CDKN2D: variants seen among roughly 807,000 people sequenced by gnomAD.
The protein encoded by CDKN2D is cyclin-dependent kinase 4 inhibitor D.
Under a neutral mutation model 4.7 loss-of-function variants are expected in CDKN2D, and 3 were observed. The observed-to-expected ratio is 0.64, with a 90% confidence interval of 0.29 to 1.66. CDKN2D has a LOEUF of 1.66. Among genes scored for constraint, CDKN2D ranks in the 40% most tolerant of loss-of-function variants. The pLI is 0.10. For synonymous variants in CDKN2D, 91 were observed against 102.3 expected (o/e 0.89, Z 0.67); for missense variants, 196 against 230.9 (o/e 0.85, Z 0.98).
At position 10,568,619 on chromosome 19, in the gene CDKN2D, A is replaced by G; in HGVS notation, c.35T>C (p.Leu12Pro). Residue 12 changes from leucine to proline, a missense_variant, in exon 1 of 2, where the codon CTG becomes CCG. By Grantham distance (98) the Leu-to-Pro change is moderately conservative. Coordinates refer to ENST00000393599, the MANE Select transcript of CDKN2D (RefSeq NM_001800.4). ...GTCGCCCCGGGCCGCCGCCCCACTCAGCCGGTCGCCGGCGCGAACCTCCTC... is the reference window on the plus strand; with the variant it reads ...GTCGCCCCGGGCCGCCGCCCCACTCGGCCGGTCGCCGGCGCGAACCTCCTC... ...LLEEVRAGDR[L>P]SGAAARGDVQ... 6.6e-7 allele frequency: 1 copy of G among 1,509,116 alleles called. No homozygotes were observed. Among genetic ancestry groups the G allele is most frequent in the Non-Finnish European group, 8.8e-7 (1 of 1,135,744 alleles). 93.5% of individuals were successfully genotyped at this position (1,509,116 alleles called of 1,614,324 possible).
chr19:10,566,793 T>C lies in CDKN2D; in HGVS notation c.*265A>G, dbSNP rs1159277017. The C allele has an allele frequency of 4.4e-6, 2 of 451,920 alleles. No individual in the cohort carries two copies. The highest frequency in any genetic ancestry group is 7.6e-5 in the East Asian group (2 of 26,172). The allele number at this position is 451,920 out of a possible 1,614,324, so 28.0% of individuals were successfully genotyped here. A position where few individuals can be genotyped will look rare whatever the true frequency, so the allele number is the denominator to read the frequency against. On this transcript the variant is annotated 3_prime_UTR_variant, in exon 2 of 2. Coordinates refer to ENST00000393599, the MANE Select transcript of CDKN2D (RefSeq NM_001800.4). ...GGTCTCGTCTGAGGCCCCAGCAGCC[T>C]GAGGCGCAGAAGAAACTGAACCGTT...
Position 10,568,622 on chromosome 19 carries a change from C to A in CDKN2D, c.32G>T (p.Arg11Leu). The change falls in exon 1 of 2, where the codon CGG becomes CTG. Residue 11 changes from arginine (R) to leucine (L), a missense_variant. Physicochemically the swap from Arg to Leu is moderately radical, Grantham distance 102. Transcript: ENST00000393599. The part of the protein sequence containing the change: MLLEEVRAGD[R>L]LSGAAARGDV... ...GCCCCGGGCCGCCGCCCCACTCAGC[C>A]GGTCGCCGGCGCGAACCTCCTCCAG... 6.6e-7 allele frequency: 1 copy of A among 1,508,212 alleles called. No homozygotes were observed. The highest frequency in any genetic ancestry group is 8.8e-7 in the Non-Finnish European group (1 of 1,135,212). The allele number at this position is 1,508,212 out of a possible 1,614,324, so 93.4% of individuals were successfully genotyped here.
In CDKN2D at chr19:10,567,107, GC is replaced by G; in HGVS notation, c.451del (p.Ala151LeufsTer124). 6.2e-7 allele frequency: 1 copy of G among 1,613,748 alleles called. No individual in the cohort carries two copies. Among genetic ancestry groups the G allele is most frequent in the South Asian group, 1.1e-5 (1 of 91,078 alleles). ...CTGCAGGATGTCCACGAGGTCCTGA[GC>G]CCCTCTCTGCAGTGCCAGCTCCAAG... The part of the protein sequence containing the change: ...TPLELALQRG[A>X]QDLVDILQGH... On this transcript the variant is annotated frameshift_variant, in exon 2 of 2. Transcript: ENST00000393599. LOFTEE classifies it high-confidence loss of function.
chr19:10,568,327 C>T (rs978949886), intron 1 of CDKN2D, among the ~76,000 whole-genome samples, 186 bp downstream of exon 1: 83 of 152,192 alleles, frequency 5.5e-4, no homozygotes, highest in African/African-American at 2.0e-3. Context: ...CCCCTCCCCC[C>T]ACAACCTAGC....
In CDKN2D at chr19:10,568,460, G is replaced by A. The variant is rs570014688; in HGVS notation, c.141+53C>T. The A allele has an allele frequency of 5.3e-6, 7 of 1,312,044 alleles. No homozygotes were observed. In the East Asian group the frequency reaches 2.1e-4, roughly 40 times the overall value. The allele number at this position is 1,312,044 out of a possible 1,614,324, so 81.3% of individuals were successfully genotyped here. On this transcript the variant is annotated intron_variant, in intron 1 of 1. Coordinates refer to ENST00000393599, the MANE Select transcript of CDKN2D (RefSeq NM_001800.4). ...GACCAGAGAGGAGCTCTGGGGTCTCGATCCTCATCCCGCTTAGCCGCCCCG... is the reference window on the plus strand; with the variant it reads ...GACCAGAGAGGAGCTCTGGGGTCTCAATCCTCATCCCGCTTAGCCGCCCCG...
In CDKN2D at chr19:10,568,763, G is replaced by A. The variant is rs1354005458; in HGVS notation, c.-110C>T. 2 of 710,548 alleles carry A rather than the reference G, an allele frequency of 2.8e-6. No homozygotes were observed. The highest frequency in any genetic ancestry group is 3.8e-5 in the East Asian group (1 of 26,234). The allele number at this position is 710,548 out of a possible 1,614,324, so 44.0% of individuals were successfully genotyped here. A position where few individuals can be genotyped will look rare whatever the true frequency, so the allele number is the denominator to read the frequency against. The stretch of plus-strand genomic sequence containing the variant: ...ACAGCCCTCCCGGGGCGCGGCCGCG[G>A]TGCACCCGGCTGCGCTGCTCTCCCG... On this transcript the variant is annotated 5_prime_UTR_variant, in exon 1 of 2. Coordinates refer to ENST00000393599, the MANE Select transcript of CDKN2D (RefSeq NM_001800.4).
chr19:10,566,573 A>T lies in CDKN2D; in HGVS notation c.*485T>A. 4.1e-6 allele frequency: 1 copy of T among 241,830 alleles called. No homozygotes were observed. Among genetic ancestry groups the T allele is most frequent in the Non-Finnish European group, 8.2e-6 (1 of 122,532 alleles). 15.0% of individuals were successfully genotyped at this position (241,830 alleles called of 1,614,324 possible). A position where few individuals can be genotyped will look rare whatever the true frequency, so the allele number is the denominator to read the frequency against. ...TTTCTTTTAAAACGCTGTACAAGAG[A>T]CTGGAAAACAAGCTTCCAACAGAAT... On this transcript the variant is annotated 3_prime_UTR_variant, in exon 2 of 2. Coordinates refer to ENST00000393599, the MANE Select transcript of CDKN2D (RefSeq NM_001800.4).
rs1916973457 is a variant in CDKN2D at position 10,568,706 on chromosome 19, C to T, written c.-53G>A. On this transcript the variant is annotated 5_prime_UTR_variant, in exon 1 of 2. Transcript: ENST00000393599. ...CCGCCCCGCCCCAGCCCGGCGCTGT[C>T]AGCGCGGAGCAGCCGGCGGGCGCTG... 2 of 1,265,260 alleles carry T rather than the reference C, an allele frequency of 1.6e-6. No individual in the cohort carries two copies. Among genetic ancestry groups the T allele is most frequent in the African/African-American group, 3.1e-5 (2 of 64,216 alleles). The allele number at this position is 1,265,260 out of a possible 1,614,324, so 78.4% of individuals were successfully genotyped here. A position where few individuals can be genotyped will look rare whatever the true frequency, so the allele number is the denominator to read the frequency against.
chr19:10,567,549 G>A lies in CDKN2D; in HGVS notation c.142-132C>T. 4 of 1,085,154 alleles carry A rather than the reference G, an allele frequency of 3.7e-6. No individual in the cohort carries two copies. The South Asian group carries it at 6.1e-5, about 17-fold the overall frequency. The allele number at this position is 1,085,154 out of a possible 1,614,324, so 67.2% of individuals were successfully genotyped here. On this transcript the variant is annotated intron_variant, in intron 1 of 1. Transcript: ENST00000393599. ...GAAATGCTAGAGGAGGGGTCCTCTA[G>A]TGAACGGAGAAGCTGCATAAGCCCC...
chr19:10,567,777 G>A (rs1916943908), intron 1 of CDKN2D, among the ~76,000 whole-genome samples: 1 of 151,554 alleles, frequency 6.6e-6, no homozygotes, highest in Non-Finnish European at 1.5e-5. Context: ...CCCCAGAGAT[G>A]GAGAACTACC....
In CDKN2D at chr19:10,567,543, C is replaced by A. The variant is rs780796521; in HGVS notation, c.142-126G>T. The A allele has an allele frequency of 4.7e-5, 53 of 1,139,560 alleles. No individual in the cohort carries two copies. The Admixed American group carries it at 5.5e-4, about 12-fold the overall frequency. 70.6% of individuals were successfully genotyped at this position (1,139,560 alleles called of 1,614,324 possible). On this transcript the variant is annotated intron_variant, in intron 1 of 1. Coordinates refer to ENST00000393599, the MANE Select transcript of CDKN2D (RefSeq NM_001800.4). The stretch of plus-strand genomic sequence containing the variant: ...AAACAGGAAATGCTAGAGGAGGGGT[C>A]CTCTAGTGAACGGAGAAGCTGCATA...
Position 10,566,624 on chromosome 19 carries a change from C to T in CDKN2D, c.*434G>A. ...ATGAATAACTCATAACTCATTCTACCTTCTTATTGATTTGGGACGCTCCCC... is the reference window on the plus strand; with the variant it reads ...ATGAATAACTCATAACTCATTCTACTTTCTTATTGATTTGGGACGCTCCCC... On this transcript the variant is annotated 3_prime_UTR_variant, in exon 2 of 2. Transcript: ENST00000393599. 3.9e-6 allele frequency: 1 copy of T among 259,644 alleles called. No homozygotes were observed. The highest frequency in any genetic ancestry group is 7.5e-6 in the Non-Finnish European group (1 of 132,578). The allele number at this position is 259,644 out of a possible 1,614,324, so 16.1% of individuals were successfully genotyped here.
chr19:10,567,575 C>T (rs1916936387), intron 1 of CDKN2D, among the ~76,000 whole-genome samples, 158 bp from the exon 2 acceptor site: 1 of 151,564 alleles, frequency 6.6e-6, no homozygotes, highest in African/African-American at 2.4e-5. Context: ...CATAAGCCCC[C>T]AGGAAAGTTC....
chr19:10,568,390 A>C, intron 1 of CDKN2D, 123 bp downstream of exon 1: 7 of 613,182 alleles, frequency 1.1e-5, no homozygotes, highest in African/African-American at 3.3e-5. Context: ...ATGAAAGCCT[A>C]GAGAAGAAGG....
At position 10,567,533 on chromosome 19, in the gene CDKN2D, G is replaced by A. The variant is rs151226890; in HGVS notation, c.142-116C>T. ...CATCTCCCAGAAACAGGAAATGCTA[G>A]AGGAGGGGTCCTCTAGTGAACGGAG... is the stretch of plus-strand genomic sequence containing the variant. On this transcript the variant is annotated intron_variant, in intron 1 of 1. Transcript: ENST00000393599. 40 of 1,235,524 alleles carry A rather than the reference G, an allele frequency of 3.2e-5. No homozygotes were observed. In the African/African-American group the frequency reaches 5.1e-4, roughly 16 times the overall value. 76.5% of individuals were successfully genotyped at this position (1,235,524 alleles called of 1,614,324 possible). A position where few individuals can be genotyped will look rare whatever the true frequency, so the allele number is the denominator to read the frequency against.
chr19:10,568,564 C>G lies in CDKN2D; in HGVS notation c.90G>C (p.Arg30=), dbSNP rs1968445. ...DVQEVRRLLH[R]ELVHPDALNR... is the part of the protein sequence containing the mutation. ...TGAGGGCGTCGGGATGCACCAGCTC[C>G]CGGTGCAGAAGGCGGCGCACCTCCT... The change falls in exon 1 of 2, where the codon CGG becomes CGC. Residue 30 remains arginine, a synonymous_variant. Transcript: ENST00000393599. The G allele has an allele frequency of 0.95, 1,424,115 of 1,496,108 alleles. 678,061 individuals are homozygous for G. Among genetic ancestry groups the G allele is most frequent in the East Asian group, 1 (36,399 of 36,416 alleles). 92.7% of individuals were successfully genotyped at this position (1,496,108 alleles called of 1,614,324 possible).
Position 10,567,396 on chromosome 19 carries a change from C to T in CDKN2D, c.163G>A (p.Ala55Thr), listed in dbSNP as rs577358923. 4.1e-5 allele frequency: 66 copies of T among 1,613,450 alleles called. 1 individual carries two copies. The South Asian group carries it at 4.7e-4, about 12-fold the overall frequency. ...TGCTTCAGCAGCTCCAGGGCGATGG[C>T]GGTGCTGCCAAACATCATGACCTGT... ...ALQVMMFGST[A>T]IALELLKQGA... Residue 55 changes from alanine to threonine, a missense_variant, in exon 2 of 2, where the codon GCC becomes ACC. Ala to Thr is a moderately conservative substitution (Grantham distance 58). Transcript: ENST00000393599.
intron 1 of CDKN2D, among the ~76,000 whole-genome samples, chr19:10,568,171 G>T (rs1234084186): frequency 1.3e-5 from 2 of 151,940 alleles, no homozygotes; most frequent in African/African-American, 4.8e-5. Flanking sequence ...CCCCATAGAA[G>T]CCCCAAGAAA....
intron 1 of CDKN2D, 62 bp downstream of exon 1, chr19:10,568,451 T>A: frequency 7.7e-7 from 1 of 1,295,954 alleles, no homozygotes; most frequent in Non-Finnish European, 9.9e-7. Flanking sequence ...AGAGGAGCTC[T>A]GGGGTCTCGA....
Sources: allele counts gnomAD v4.1 joint callset (sites outside exome capture counted in the v4.1 genomes callset), GRCh38; gene constraint gnomAD v4.1.1; transcripts MANE v1.5; gene names NCBI Gene and HGNC (gene_info 2026-07-23, HGNC 2026-07-21).